Variants in DNAAF1 observed in about 807,000 individuals in gnomAD.
DNAAF1 encodes the protein dynein assembly factor 1, axonemal.
DNAAF1 carries 65 observed loss-of-function variants against 71.1 expected under a neutral mutation model. That is an observed-to-expected ratio of 0.91 (90% confidence interval 0.75 to 1.12). The LOEUF (loss-of-function observed/expected upper bound fraction) is 1.12, where lower values mean the gene tolerates loss of function less well. DNAAF1 is among the 50% of genes most tolerant of loss of function. The probability of loss-of-function intolerance (pLI) is 0.00; values close to 1 mark genes in which losing one functional copy is unlikely to be tolerated. For synonymous variants in DNAAF1, 414 were observed against 354.6 expected (o/e 1.17, Z -1.88); for missense variants, 1,178 against 899.8 (o/e 1.31, Z -3.96).
rs564375485 is a variant in DNAAF1 at position 84,155,638 on chromosome 16, G to T, written c.630G>T (p.Val210=). The change falls in exon 5 of 12, where the codon GTG becomes GTT. Residue 210 remains valine (V), a synonymous_variant. Transcript: ENST00000378553. ...TGGCCCACAATCACCTGGAGACCGTGGAGGACATTCAGCATCTACAAGAGT... is the reference window on the plus strand; with the variant it reads ...TGGCCCACAATCACCTGGAGACCGTTGAGGACATTCAGCATCTACAAGAGT... The part of the protein sequence containing the change: ...LQMAHNHLET[V]EDIQHLQECL... The T allele has an allele frequency of 6.2e-7, 1 of 1,614,156 alleles. No homozygotes were observed. Among genetic ancestry groups the T allele is most frequent in the South Asian group, 1.1e-5 (1 of 91,080 alleles).
rs1567547718 is a variant in DNAAF1, at chr16:84,159,681, C to CTGAA, written c.750_753dup (p.Leu252GlufsTer13). 2 of 1,612,348 alleles carry CTGAA rather than the reference C, an allele frequency of 1.2e-6. No individual in the cohort carries two copies. Among genetic ancestry groups the CTGAA allele is most frequent in the Non-Finnish European group, 1.7e-6 (2 of 1,178,956 alleles). ...TCTGCTTGTCTTCTTGCAGCGTGTA[C>CTGAA]TGAATTTGATGGGAAACCCGGTTAT... On this transcript the variant is annotated frameshift_variant, in exon 6 of 12. Coordinates refer to ENST00000378553, the MANE Select transcript of DNAAF1 (RefSeq NM_178452.6). LOFTEE classifies it high-confidence loss of function.
chr16:84,156,747 G>A lies in DNAAF1; in HGVS notation c.741+998G>A, dbSNP rs553613560. On this transcript the variant is annotated intron_variant, in intron 5 of 11. Coordinates refer to ENST00000378553, the MANE Select transcript of DNAAF1 (RefSeq NM_178452.6). ...AAGAGCTTTCATTCGCCAACTAGTG[G>A]TTCATGCAGTTCATGCAGAAAAGGC... is the stretch of plus-strand genomic sequence containing the variant. Among the ~76,000 whole-genome samples, 40 of 152,054 alleles carry A rather than the reference G, an allele frequency of 2.6e-4. No individual in the cohort carries two copies. In the South Asian group the frequency reaches 5.2e-3, roughly 20 times the overall value.
intron 5 of DNAAF1, among the ~76,000 whole-genome samples, chr16:84,156,093 G>A (rs2087414667): frequency 6.6e-6 from 1 of 152,140 alleles, no homozygotes; most frequent in Non-Finnish European, 1.5e-5. Context: ...ATCCCGAGTA[G>A]CTGGGATTTC....
At position 84,171,369 on chromosome 16, in the gene DNAAF1, A is replaced by G. The variant is rs564583915; in HGVS notation, c.1529-891A>G. Among the ~76,000 whole-genome samples the G allele has an allele frequency of 1.2e-4, 18 of 152,028 alleles. No individual in the cohort carries two copies. The East Asian group carries it at 3.5e-3, about 30-fold the overall frequency. ...ACTTGGGAGGCTGAGGTGGGAGGGGAAGGGGATGGGAGGTCGAGGCTGCAG... is the reference window on the plus strand; with the variant it reads ...ACTTGGGAGGCTGAGGTGGGAGGGGGAGGGGATGGGAGGTCGAGGCTGCAG... On this transcript the variant is annotated intron_variant, in intron 8 of 11. Coordinates refer to ENST00000378553, the MANE Select transcript of DNAAF1 (RefSeq NM_178452.6).
intron 9 of DNAAF1, chr16:84,173,548 C>G: frequency 1.0e-6 from 1 of 980,690 alleles, no homozygotes; most frequent in Non-Finnish European, 1.2e-6. Context: ...AAAAAAGAAA[C>G]AAAGGCCAGG....
chr16:84,154,689 C>A lies in DNAAF1; in HGVS notation c.465C>A (p.Cys155Ter). Residue 155 changes from cysteine (C) to a stop codon, truncating the protein, a stop_gained, in exon 4 of 12, where the codon TGC becomes TGA. Coordinates refer to ENST00000378553, the MANE Select transcript of DNAAF1 (RefSeq NM_178452.6). LOFTEE classifies it high-confidence loss of function. ...ENLEAQTELR[C>*]LFLQMNLLRK... The stretch of plus-strand genomic sequence containing the variant: ...TGGAGGCCCAAACTGAGTTGCGTTG[C>A]CTCTTCTTGCAAATGAACTTGCTCC... The A allele has an allele frequency of 6.2e-7, 1 of 1,614,104 alleles. No homozygotes were observed. The highest frequency in any genetic ancestry group is 1.3e-5 in the African/African-American group (1 of 74,998).
At chr16:84,172,524 C>CA in intron 9 of DNAAF1, 149 bp downstream of exon 9, 1 of 1,481,114 alleles carries the variant, frequency 6.8e-7, no homozygotes, top group South Asian at 1.3e-5. Flanking sequence ...GTTAGAAATG[C>CA]AGACTCCCAG....
At position 84,170,000 on chromosome 16, in the gene DNAAF1, C is replaced by G. The variant is rs767204860; in HGVS notation, c.1172C>G (p.Pro391Arg). 2 of 1,613,910 alleles carry G rather than the reference C, an allele frequency of 1.2e-6. No homozygotes were observed. Among genetic ancestry groups the G allele is most frequent in the Non-Finnish European group, 1.7e-6 (2 of 1,180,024 alleles). The change falls in exon 8 of 12, where the codon CCG (proline) becomes CGG (arginine). Residue 391 changes from proline to arginine, a missense_variant. By Grantham distance (103) the Pro-to-Arg change is moderately radical. Transcript: ENST00000378553. ...TTTGAGGCCAAGGACGAGCTCTGCC[C>G]GGAAAAGCCAAGTGGAGAGGAGCCG... ...ESFEAKDELCPEKPSGEEPPV... is the reference protein window; with the variant it reads ...ESFEAKDELCREKPSGEEPPV...
intron 10 of DNAAF1, chr16:84,175,149 C>A: frequency 4.1e-6 from 1 of 241,378 alleles, no homozygotes. Context: ...AGCCACCGCA[C>A]CCAGCCCACA....
intron 6 of DNAAF1, among the ~76,000 whole-genome samples, chr16:84,163,729 T>C (rs1426275503): frequency 2.0e-5 from 3 of 152,204 alleles, no homozygotes; most frequent in Non-Finnish European, 2.9e-5. Flanking sequence ...TGTCTCATTG[T>C]GGTTTCCATC....
chr16:84,145,515 G>A lies in DNAAF1; in HGVS notation c.75G>A (p.Glu25=). ...ATTGCGCGCAGGAGCCCGGCGTGGA[G>A]GAGTCTGCGGGTGACCACGGGAGCG... The part of the protein sequence containing the change: ...ELDCAQEPGV[E]ESAGDHGSAG... Residue 25 remains glutamate (E), a synonymous_variant, in exon 1 of 12, where the codon GAG becomes GAA. Transcript: ENST00000378553. 3.2e-6 allele frequency: 5 copies of A among 1,558,654 alleles called. No individual in the cohort carries two copies. The highest frequency in any genetic ancestry group is 4.3e-6 in the Non-Finnish European group (5 of 1,151,038).
In DNAAF1 at chr16:84,170,241, G is replaced by T; in HGVS notation, c.1413G>T (p.Glu471Asp). The change falls in exon 8 of 12, where the codon GAG becomes GAT. Residue 471 changes from glutamate to aspartate, a missense_variant. By Grantham distance (45) the Glu-to-Asp change is conservative. Coordinates refer to ENST00000378553, the MANE Select transcript of DNAAF1 (RefSeq NM_178452.6). Reference sequence around the variant, plus strand: ...AGCCAGAGGGGACCCTCCCAGCTGAGACCCTGCTACTGTCACCGCCTGTGA... The same window carrying T: ...AGCCAGAGGGGACCCTCCCAGCTGATACCCTGCTACTGTCACCGCCTGTGA... The part of the protein sequence containing the change: ...DQEPEGTLPA[E>D]TLLLSPPVKV... The T allele has an allele frequency of 6.2e-7, 1 of 1,609,678 alleles. No homozygotes were observed. Among genetic ancestry groups the T allele is most frequent in the Non-Finnish European group, 8.5e-7 (1 of 1,178,022 alleles).
chr16:84,170,021 A>G lies in DNAAF1; in HGVS notation c.1193A>G (p.Glu398Gly). ...TGCCCGGAAAAGCCAAGTGGAGAGG[A>G]GCCGCCTGTGGAGGCTAAAAGAGAG... ...ELCPEKPSGE[E>G]PPVEAKREDG... The change falls in exon 8 of 12, where the codon GAG (glutamate) becomes GGG (glycine). Residue 398 changes from glutamate to glycine, a missense_variant. Glu to Gly is a moderately conservative substitution (Grantham distance 98). Coordinates refer to ENST00000378553, the MANE Select transcript of DNAAF1 (RefSeq NM_178452.6). The G allele has an allele frequency of 2.5e-6, 4 of 1,613,876 alleles. No homozygotes were observed. Among genetic ancestry groups the G allele is most frequent in the Non-Finnish European group, 3.4e-6 (4 of 1,180,034 alleles).
chr16:84,168,766 G>A (rs1047716451), intron 7 of DNAAF1, among the ~76,000 whole-genome samples: 3 of 151,594 alleles, frequency 2.0e-5, no homozygotes, highest in African/African-American at 7.3e-5. Flanking sequence ...ACGGATAGCT[G>A]TATGTCTGCA....
intron 1 of DNAAF1, among the ~76,000 whole-genome samples, chr16:84,148,326 G>A (rs1021275508): frequency 6.6e-6 from 1 of 151,932 alleles, no homozygotes; most frequent in Non-Finnish European, 1.5e-5. Flanking sequence ...TTATCCCTAT[G>A]GATAGATGTA....
intron 8 of DNAAF1, 100 bp from the exon 9 acceptor site, chr16:84,172,160 A>T: frequency 1.8e-6 from 2 of 1,113,400 alleles, no homozygotes; most frequent in African/African-American, 1.5e-5. Flanking sequence ...TACAGGCATG[A>T]GCCACCGAGC....
At chr16:84,153,667 A>G (rs1166261543) in intron 3 of DNAAF1, among the ~76,000 whole-genome samples, 2 of 152,212 alleles carry the variant, frequency 1.3e-5, no homozygotes, top group East Asian at 3.8e-4. Context: ...GAACTTTAAA[A>G]AGTGTTGGTA....
At chr16:84,173,552 G>C in intron 9 of DNAAF1, 1 of 984,806 alleles carries the variant, frequency 1.0e-6, no homozygotes, top group Non-Finnish European at 1.2e-6. Context: ...AAGAAACAAA[G>C]GCCAGGTGTG....
Position 84,148,911 on chromosome 16 carries a change from A to G in DNAAF1, c.125-96A>G, listed in dbSNP as rs1233151099. ...AGCCACTAAAGAATACTGGTGTTCT[A>G]TACTAAAAGTGGATGGTCATTAACC... On this transcript the variant is annotated intron_variant, in intron 1 of 11. Transcript: ENST00000378553. 7.2e-6 allele frequency: 10 copies of G among 1,397,754 alleles called. No homozygotes were observed. In the East Asian group the frequency reaches 1.1e-4, roughly 16 times the overall value. 86.6% of individuals were successfully genotyped at this position (1,397,754 alleles called of 1,614,324 possible).
Sources: gnomAD v4.1 joint callset for allele counts (sites outside exome capture counted in the v4.1 genomes callset) on GRCh38, gnomAD v4.1.1 for gene constraint, MANE v1.5 for transcripts, NCBI Gene and HGNC (gene_info 2026-07-23, HGNC 2026-07-21) for gene names.